CAGE1: variants seen among roughly 807,000 people sequenced by gnomAD.
The protein encoded by CAGE1 is cancer-associated gene 1 protein.
A neutral mutation model predicts 94.9 loss-of-function variants in CAGE1; 66 were observed. The ratio of observed to expected loss-of-function variants is 0.70; its 90% CI spans 0.57 to 0.85. The LOEUF (loss-of-function observed/expected upper bound fraction) is 0.85. CAGE1 is among the 40% of genes least tolerant of loss of function. The pLI is 0.00. For synonymous variants in CAGE1, 319 were observed against 321.0 expected, an observed-to-expected ratio of 0.99 and a Z score of 0.07; for missense variants, 865 against 950.4, an observed-to-expected ratio of 0.91 and a Z score of 1.18.
In CAGE1 at chr6:7,386,567, A is replaced by G. The variant is rs1761126486; in HGVS notation, c.195+412T>C. On this transcript the variant is annotated intron_variant, in intron 2 of 13. Coordinates refer to ENST00000502583, the MANE Select transcript of CAGE1 (RefSeq NM_001170692.2). Reference sequence around the variant, plus strand: ...TGAATTGGTCACGTCCCCTGGCTGCACTCCTGGCTAGAAAGGATCAGTTTT... The same window carrying G: ...TGAATTGGTCACGTCCCCTGGCTGCGCTCCTGGCTAGAAAGGATCAGTTTT... Among the ~76,000 whole-genome samples the G allele has an allele frequency of 1.3e-5, 2 of 152,064 alleles. 1 individual carries two copies. The highest frequency in any genetic ancestry group is 4.1e-4 in the South Asian group (2 of 4,830).
chr6:7,342,594 C>T (rs888547067), intron 11 of CAGE1, among the ~76,000 whole-genome samples: 2 of 152,228 alleles, frequency 1.3e-5, no homozygotes, highest in African/African-American at 4.8e-5. Context: ...TCTAAAGCCT[C>T]ACTGAACAAA....
intron 12 of CAGE1, among the ~76,000 whole-genome samples, chr6:7,330,119 G>C (rs1758694956): frequency 6.6e-6 from 1 of 152,180 alleles, no homozygotes; most frequent in Non-Finnish European, 1.5e-5. Flanking sequence ...AGGTTGCGGT[G>C]GCTCACACCT....
In CAGE1 at chr6:7,339,379, G is replaced by C; in HGVS notation, c.2370-5289C>G. 1 of 1,607,416 alleles carries C rather than the reference G, an allele frequency of 6.2e-7. No homozygotes were observed. The highest frequency in any genetic ancestry group is 8.5e-7 in the Non-Finnish European group (1 of 1,174,820). On this transcript the variant is annotated intron_variant, in intron 11 of 13. Transcript: ENST00000502583. This position sits in a 1 kb window ranked among gnomAD's most constrained non-coding sequence, Gnocchi z 4.7. The stretch of plus-strand genomic sequence containing the variant: ...ACAGCAGTCAGTTCCCGAATCCGCC[G>C]GCCCTTCTCACCAAGAACATTCTGT...
chr6:7,346,068 T>A (rs569270363), intron 11 of CAGE1, among the ~76,000 whole-genome samples: 14 of 152,324 alleles, frequency 9.2e-5, no homozygotes, highest in South Asian at 2.1e-4. Flanking sequence ...TAATTTTTTT[T>A]AAATTTTAGG....
At chr6:7,384,719 CT>C (rs576124256) in intron 3 of CAGE1, among the ~76,000 whole-genome samples, 195 of 145,978 alleles carry the variant, frequency 1.3e-3, no homozygotes, top group South Asian at 2.4e-3. Flanking sequence ...ACACAGCTCT[CT>C]TTTTTTTTTT....
chr6:7,382,330 T>C (rs1395736023), intron 3 of CAGE1, among the ~76,000 whole-genome samples: 1 of 151,662 alleles, frequency 6.6e-6, no homozygotes, highest in African/African-American at 2.4e-5. Context: ...TGAGACAGAG[T>C]CTCACTCTGT....
chr6:7,342,914 C>T (rs1759241018), intron 11 of CAGE1, among the ~76,000 whole-genome samples: 1 of 152,084 alleles, frequency 6.6e-6, no homozygotes, highest in South Asian at 2.1e-4. Flanking sequence ...GTGTGCTTTC[C>T]CCACTTTATG....
Position 7,368,688 on chromosome 6 carries a change from C to G in CAGE1, c.2004G>C (p.Glu668Asp). 7.1e-7 allele frequency: 1 copy of G among 1,417,282 alleles called. No individual in the cohort carries two copies. 87.8% of individuals were successfully genotyped at this position (1,417,282 alleles called of 1,614,324 possible). A position where few individuals can be genotyped will look rare whatever the true frequency, so the allele number is the denominator to read the frequency against. Residue 668 changes from glutamate (E) to aspartate (D), a missense_variant and splice_region_variant, in exon 7 of 14, where the codon GAG (glutamate) becomes GAC (aspartate). By Grantham distance (45) the Glu-to-Asp change is conservative. Coordinates refer to ENST00000502583, the MANE Select transcript of CAGE1 (RefSeq NM_001170692.2). ...TTTAGAAGAAGAATAAATATAATAC[C>G]TCTTTATCTAAAGTTTTCTTTTTAA... is the stretch of plus-strand genomic sequence containing the variant. ...LHLKKKTLDKELLKHKDRITT... is the reference protein window; with the variant it reads ...LHLKKKTLDKDLLKHKDRITT...
At chr6:7,329,943 G>T in intron 12 of CAGE1, 55 bp from the exon 13 acceptor site, 1 of 727,408 alleles carries the variant, frequency 1.4e-6, no homozygotes, top group South Asian at 1.7e-5. Context: ...GACTGAAATA[G>T]TGAACATGGT....
In CAGE1 at chr6:7,327,932, AAAATAAATAAAT is replaced by A. The variant is rs56109246; in HGVS notation, c.2479-1045_2479-1034del. Among the ~76,000 whole-genome samples the A allele has an allele frequency of 2.3e-3, 344 of 149,658 alleles. 5 individuals are homozygous for A. In the South Asian group the frequency reaches 0.028, roughly 12 times the overall value. On this transcript the variant is annotated intron_variant, in intron 13 of 13. Transcript: ENST00000502583. ...GCAACAAGAGTGAAACTCCGTCTAAAAAATAAATAAATAAATAAATAAATAAATAACCATTGA... is the reference window on the plus strand; with the variant it reads ...GCAACAAGAGTGAAACTCCGTCTAAAAAATAAATAAATAAATAACCATTGA...
In CAGE1 at chr6:7,389,357, G is replaced by A. The variant is rs1761254802; in HGVS notation, c.-179C>T. ...TCCCTCTGCACCGGGTTTTGTGGGA[G>A]GGAGAACGCTTTCCAACCTCCTCCA... On this transcript the variant is annotated 5_prime_UTR_variant, in exon 1 of 14. Coordinates refer to ENST00000502583, the MANE Select transcript of CAGE1 (RefSeq NM_001170692.2). 2 of 455,870 alleles carry A rather than the reference G, an allele frequency of 4.4e-6. No homozygotes were observed. Among genetic ancestry groups the A allele is most frequent in the African/African-American group, 4.0e-5 (2 of 50,056 alleles). The allele number at this position is 455,870 out of a possible 1,614,324, so 28.2% of individuals were successfully genotyped here. A position where few individuals can be genotyped will look rare whatever the true frequency, so the allele number is the denominator to read the frequency against.
intron 11 of CAGE1, chr6:7,338,953 C>G: frequency 6.2e-7 from 1 of 1,609,470 alleles, no homozygotes; most frequent in Non-Finnish European, 8.5e-7. Flanking sequence ...CTCACGTGGT[C>G]AGGCAGGGGC....
chr6:7,365,390 A>G (rs1316129518), intron 9 of CAGE1, 78 bp downstream of exon 9: 1 of 1,193,940 alleles, frequency 8.4e-7, no homozygotes, highest in Non-Finnish European at 1.2e-6. Flanking sequence ...TTTTTGAAGG[A>G]TGATAACTTC....
chr6:7,337,170 C>A lies in CAGE1; in HGVS notation c.2370-3080G>T, dbSNP rs542670877. On this transcript the variant is annotated intron_variant, in intron 11 of 13. Transcript: ENST00000502583. ...ACCCCGTCTCTACTAAAAATACAAC[C>A]AAAAAAATTAGCCCAGTGTGGTGGC... Among the ~76,000 whole-genome samples the A allele has an allele frequency of 2.6e-5, 4 of 151,414 alleles. No homozygotes were observed. The South Asian group carries it at 8.4e-4, about 32-fold the overall frequency.
At chr6:7,327,015 T>C in intron 13 of CAGE1, 116 bp from the exon 14 acceptor site, 1 of 729,046 alleles carries the variant, frequency 1.4e-6, no homozygotes, top group Non-Finnish European at 2.5e-6. Flanking sequence ...AAAGTAAGCC[T>C]ATAGATAGAT....
intron 11 of CAGE1, chr6:7,338,978 C>G: frequency 6.2e-7 from 1 of 1,609,646 alleles, no homozygotes; most frequent in South Asian, 1.1e-5. Flanking sequence ...TAGGGCCAAT[C>G]TTACCAGTTG....
rs772680009 is a variant in CAGE1, at chr6:7,341,641, T to C, written c.2370-7551A>G. 5.5e-4 allele frequency: 408 copies of C among 745,694 alleles called. 3 individuals are homozygous for C. Among genetic ancestry groups the C allele is most frequent in the South Asian group, 5.2e-4 (39 of 74,404 alleles). The allele number at this position is 745,694 out of a possible 1,614,324, so 46.2% of individuals were successfully genotyped here. A position where few individuals can be genotyped will look rare whatever the true frequency, so the allele number is the denominator to read the frequency against. ...CAGATGGGTGTTTGCAACAGTGATCTCACTCTCCAGGTGGACAGGAATCAA... is the reference window on the plus strand; with the variant it reads ...CAGATGGGTGTTTGCAACAGTGATCCCACTCTCCAGGTGGACAGGAATCAA... On this transcript the variant is annotated intron_variant, in intron 11 of 13. Transcript: ENST00000502583.
At position 7,378,747 on chromosome 6, in the gene CAGE1, G is replaced by A. The variant is rs1476455255; in HGVS notation, c.557C>T (p.Pro186Leu). ...GATTAGAGGCGGGCTTCTAGGAGGA[G>A]GCTGTCTAAAATACTCGTTACCAAG... ...DQLGNEYFRQ[P>L]PPRSPPLIHC... Residue 186 changes from proline to leucine, a missense_variant, in exon 4 of 14, where the codon CCT becomes CTT. Transcript: ENST00000502583. The A allele has an allele frequency of 9.3e-6, 15 of 1,613,838 alleles. No homozygotes were observed. The highest frequency in any genetic ancestry group is 1.7e-5 in the Admixed American group (1 of 59,996).
At chr6:7,380,495 G>A (rs183820212) in intron 3 of CAGE1, among the ~76,000 whole-genome samples, 18 of 152,064 alleles carry the variant, frequency 1.2e-4, no homozygotes, top group South Asian at 4.2e-4. Context: ...AACTTAGTGG[G>A]GCGTGGTGGT....
Sources: allele counts gnomAD v4.1 joint callset (sites outside exome capture counted in the v4.1 genomes callset), GRCh38; gene constraint gnomAD v4.1.1; non-coding constraint Gnocchi (gnomAD v3.1); transcripts MANE v1.5; gene names NCBI Gene and HGNC (gene_info 2026-07-23, HGNC 2026-07-21).